Variants in NPFFR2 observed in about 807,000 individuals in gnomAD.
The protein encoded by NPFFR2 is neuropeptide FF receptor 2.
In NPFFR2, 15 loss-of-function variants were observed where a neutral mutation model predicts 13.1. The observed-to-expected ratio is 1.15, with a 90% CI of 0.77 to 1.76. The LOEUF is 1.76. Ranked by LOEUF, NPFFR2 falls within the 40% of genes most tolerant of loss-of-function variation. The probability of loss-of-function intolerance (pLI) is 0.00; values close to 1 mark genes in which losing one functional copy is unlikely to be tolerated. For synonymous variants in NPFFR2, 190 were observed against 175.7 expected, an observed-to-expected ratio of 1.08 and a Z score of -0.65; for missense variants, 572 against 503.5, an observed-to-expected ratio of 1.14 and a Z score of -1.30.
At chr4:72,138,167 GA>G (rs756898455) in intron 3 of NPFFR2, 28 bp downstream of exon 3, 1 of 1,526,970 alleles carries the variant, frequency 6.5e-7, no homozygotes, top group Non-Finnish European at 9.1e-7. Flanking sequence ...TCTGAATCCA[GA>G]AAAATTGGCA....
chr4:72,075,538 A>C (rs979467390), intron 1 of NPFFR2, among the ~76,000 whole-genome samples: 3 of 152,128 alleles, frequency 2.0e-5, no homozygotes, highest in Admixed American at 2.0e-4. Flanking sequence ...AGACAGAATT[A>C]TAACTAAGGA....
chr4:72,033,907 G>T (rs1431370230), intron 1 of NPFFR2, among the ~76,000 whole-genome samples: 1 of 152,134 alleles, frequency 6.6e-6, no homozygotes, highest in Non-Finnish European at 1.5e-5. Context: ...GGCTCTGTGT[G>T]TGTGTGTGTG....
chr4:72,127,242 T>G (rs1722076639), intron 1 of NPFFR2, among the ~76,000 whole-genome samples: 1 of 108,958 alleles, frequency 9.2e-6, no homozygotes, highest in African/African-American at 3.7e-5. Context: ...AGGTGGAGCT[T>G]GCAGTGAGCC....
chr4:72,117,227 G>T (rs1022870360), intron 1 of NPFFR2, among the ~76,000 whole-genome samples: 4 of 152,070 alleles, frequency 2.6e-5, no homozygotes, highest in African/African-American at 9.7e-5. Flanking sequence ...GGGTCTACTG[G>T]CCTCATTCCT....
chr4:72,066,777 G>A (rs1262289324), intron 1 of NPFFR2, among the ~76,000 whole-genome samples: 1 of 152,118 alleles, frequency 6.6e-6, no homozygotes, highest in South Asian at 2.1e-4. Context: ...GAACAATGGG[G>A]CAAGGGTTAG....
chr4:72,064,758 A>G (rs1720017757), intron 1 of NPFFR2, among the ~76,000 whole-genome samples: 1 of 152,170 alleles, frequency 6.6e-6, no homozygotes, highest in East Asian at 1.9e-4. Context: ...GGTAAATGAT[A>G]GGGAACATTT....
chr4:72,032,368 A>C (rs1458210293), intron 1 of NPFFR2, among the ~76,000 whole-genome samples, 168 bp downstream of exon 1: 1 of 152,160 alleles, frequency 6.6e-6, no homozygotes, highest in African/African-American at 2.4e-5. Context: ...CTGGCCCAAC[A>C]CTGGGGGGCT....
intron 1 of NPFFR2, among the ~76,000 whole-genome samples, chr4:72,116,882 A>G (rs1258657487): frequency 6.6e-6 from 1 of 152,106 alleles, no homozygotes; most frequent in Non-Finnish European, 1.5e-5. Flanking sequence ...GGTCCACCCA[A>G]CTGGACAGTT....
intron 1 of NPFFR2, among the ~76,000 whole-genome samples, chr4:72,047,989 A>G (rs776316459): frequency 2.0e-5 from 3 of 152,110 alleles, no homozygotes; most frequent in Non-Finnish European, 2.9e-5. Flanking sequence ...TCCCCCACTC[A>G]ATCTCTCATT....
intron 1 of NPFFR2, among the ~76,000 whole-genome samples, chr4:72,044,915 T>A (rs1355569991): frequency 2.0e-5 from 3 of 152,164 alleles, no homozygotes; most frequent in African/African-American, 7.2e-5. Flanking sequence ...ATCCCATTTG[T>A]CTATTTTTGT....
chr4:72,092,551 A>C (rs1720942792), intron 1 of NPFFR2, among the ~76,000 whole-genome samples: 1 of 152,024 alleles, frequency 6.6e-6, no homozygotes, highest in Admixed American at 6.6e-5. Flanking sequence ...TTGGATTGTG[A>C]TATTTTCCTG....
At chr4:72,040,971 A>T (rs1157227150) in intron 1 of NPFFR2, among the ~76,000 whole-genome samples, 1 of 150,922 alleles carries the variant, frequency 6.6e-6, no homozygotes, top group Admixed American at 6.6e-5. Context: ...TGCTATTGCT[A>T]ATATTAAGAA....
chr4:72,059,885 G>A (rs1719871893), intron 1 of NPFFR2, among the ~76,000 whole-genome samples: 1 of 152,078 alleles, frequency 6.6e-6, no homozygotes, highest in African/African-American at 2.4e-5. Context: ...ATTAACTTGG[G>A]AACCTGCACA....
intron 3 of NPFFR2, among the ~76,000 whole-genome samples, chr4:72,138,540 C>T (rs1383888822): frequency 6.6e-6 from 1 of 151,820 alleles, no homozygotes; most frequent in East Asian, 1.9e-4. Context: ...TGATAGTTAG[C>T]TGAGAATGAT....
intron 1 of NPFFR2, among the ~76,000 whole-genome samples, chr4:72,094,018 T>G (rs1200613573): frequency 6.6e-6 from 1 of 152,060 alleles, no homozygotes; most frequent in African/African-American, 2.4e-5. Context: ...TTTGTCCCAT[T>G]GGGTACTTCC....
chr4:72,142,451 G>C (rs1254707058), intron 3 of NPFFR2, among the ~76,000 whole-genome samples: 1 of 152,032 alleles, frequency 6.6e-6, no homozygotes, highest in African/African-American at 2.4e-5. Context: ...TGTCCAACCA[G>C]TCCCAGTGAG....
chr4:72,091,997 C>G (rs1720929642), intron 1 of NPFFR2, among the ~76,000 whole-genome samples: 1 of 152,010 alleles, frequency 6.6e-6, no homozygotes, highest in South Asian at 2.1e-4. Context: ...CCTTTTAACA[C>G]TGTTTTTGCT....
At chr4:72,052,216 C>T (rs1470520058) in intron 1 of NPFFR2, among the ~76,000 whole-genome samples, 6 of 75,012 alleles carry the variant, frequency 8.0e-5, no homozygotes, top group African/African-American at 2.4e-4. Flanking sequence ...AGACCAATAT[C>T]CTTGATGAAC....
intron 2 of NPFFR2, among the ~76,000 whole-genome samples, chr4:72,130,543 TA>T (rs1177808620): frequency 2.0e-5 from 3 of 151,838 alleles, no homozygotes; most frequent in Non-Finnish European, 2.9e-5. Context: ...TGTTTATCAT[TA>T]AAAAAAAATT....
Sources: allele counts gnomAD v4.1 joint callset (sites outside exome capture counted in the v4.1 genomes callset), GRCh38; gene constraint gnomAD v4.1.1; transcripts MANE v1.5; gene names NCBI Gene and HGNC (gene_info 2026-07-23, HGNC 2026-07-21).